LRRC9: variants seen among roughly 807,000 people sequenced by gnomAD.
LRRC9 encodes the protein leucine rich repeat containing 9, also known as leucine-rich repeat-containing protein 9.
Under a neutral mutation model 63.2 loss-of-function variants are expected in LRRC9, and 122 were observed. The ratio of observed to expected loss-of-function variants is 1.93; its 90% CI spans 1.67 to 2.24. LRRC9 has a LOEUF of 2.24. Among genes scored for constraint, LRRC9 ranks in the 30% most tolerant of loss-of-function variants. The pLI is 0.00. For synonymous variants in LRRC9, 366 were observed against 213.1 expected, an observed-to-expected ratio of 1.72 and a Z score of -6.25; for missense variants, 1,071 against 627.7, an observed-to-expected ratio of 1.71 and a Z score of -7.55.
At chr14:59,952,718 G>A (rs1300388880) in intron 8 of LRRC9, among the ~76,000 whole-genome samples, 2 of 152,032 alleles carry the variant, frequency 1.3e-5, no homozygotes, top group Non-Finnish European at 2.9e-5. Flanking sequence ...GTATACATTT[G>A]ACATGATAGT....
chr14:60,029,396 G>A (rs569063939), intron 28 of LRRC9, among the ~76,000 whole-genome samples: 1 of 152,136 alleles, frequency 6.6e-6, no homozygotes, highest in African/African-American at 2.4e-5. Context: ...GTAGGGGAGT[G>A]TTTCATTTAT....
At chr14:59,967,936 G>A (rs1341994110) in intron 12 of LRRC9, among the ~76,000 whole-genome samples, 1 of 152,164 alleles carries the variant, frequency 6.6e-6, no homozygotes, top group African/African-American at 2.4e-5. Context: ...GATTTAGTGA[G>A]ATAATGCATT....
chr14:60,063,389 C>T (rs61994053), exon 32 of LRRC9: 81,327 of 698,734 alleles, frequency 0.12, 5,984 homozygotes, highest in Non-Finnish European at 0.15. Flanking sequence ...GAGCATACAC[C>T]AAGAAACTCA....
chr14:60,039,377 C>T (rs774497617), intron 29 of LRRC9, among the ~76,000 whole-genome samples: 57 of 152,140 alleles, frequency 3.7e-4, no homozygotes, highest in Middle Eastern at 3.4e-3. Flanking sequence ...AATTTGGCTG[C>T]GAATCCTTCT....
chr14:59,931,165 C>T, intron 4 of LRRC9, 107 bp downstream of exon 4: 1 of 300,540 alleles, frequency 3.3e-6, no homozygotes, highest in Non-Finnish European at 6.1e-6. Context: ...CTATTCTTGA[C>T]TAGTACAATT....
At chr14:59,976,566 A>T (rs1886308154) in intron 13 of LRRC9, among the ~76,000 whole-genome samples, 1 of 151,990 alleles carries the variant, frequency 6.6e-6, no homozygotes, top group South Asian at 2.1e-4. Context: ...ACTTGAAAAA[A>T]CCTTTTATTC....
chr14:60,023,089 A>G (rs219397), intron 27 of LRRC9, among the ~76,000 whole-genome samples: 114,171 of 151,748 alleles, frequency 0.75, 44,945 homozygotes, highest in Non-Finnish European at 0.87. Context: ...ATAGTATTAC[A>G]TCATAATTTA....
At chr14:60,000,385 A>T (rs1459633168) in intron 19 of LRRC9, among the ~76,000 whole-genome samples, 2 of 152,118 alleles carry the variant, frequency 1.3e-5, no homozygotes, top group African/African-American at 4.8e-5. Flanking sequence ...CCAAACCTCA[A>T]CATTACGAAA....
intron 29 of LRRC9, among the ~76,000 whole-genome samples, chr14:60,037,791 T>C (rs1433003458): frequency 2.0e-5 from 3 of 152,228 alleles, no homozygotes; most frequent in East Asian, 1.9e-4. Context: ...TTTGTCAATT[T>C]TGGCTTTTGT....
intron 12 of LRRC9, among the ~76,000 whole-genome samples, chr14:59,973,208 C>G (rs1885721901): frequency 6.6e-6 from 1 of 152,070 alleles, no homozygotes; most frequent in Non-Finnish European, 1.5e-5. Flanking sequence ...TCTATAAACT[C>G]CTTCCTAATC....
chr14:60,057,237 A>G (rs112597197), intron 30 of LRRC9, among the ~76,000 whole-genome samples: 1 of 152,180 alleles, frequency 6.6e-6, no homozygotes, highest in Non-Finnish European at 1.5e-5. Context: ...TTCTAGGGGA[A>G]GCAAGAGTCC....
At chr14:60,065,111 G>A (rs115022166), downstream of LRRC9, among the ~76,000 whole-genome samples, 2,319 of 152,256 alleles carry the variant, frequency 0.015, 58 homozygotes, top group African/African-American at 0.053. Context: ...GCCGGGCGCA[G>A]TGGCTCACAT....
At chr14:60,052,900 T>C (rs1415925485) in intron 29 of LRRC9, among the ~76,000 whole-genome samples, 165 bp from the exon 30 acceptor site, 4 of 152,160 alleles carry the variant, frequency 2.6e-5, no homozygotes, top group Non-Finnish European at 4.4e-5. Flanking sequence ...AATAGGAAAT[T>C]GAGTAATTTT....
At chr14:59,961,455 G>A (rs1884344774) in intron 10 of LRRC9, among the ~76,000 whole-genome samples, 1 of 152,220 alleles carries the variant, frequency 6.6e-6, no homozygotes, top group Admixed American at 6.5e-5. Flanking sequence ...GAGCAGGAAT[G>A]CCAAAGCAGG....
chr14:60,065,797 T>C, downstream of LRRC9, among the ~76,000 whole-genome samples: 2 of 150,972 alleles, frequency 1.3e-5, no homozygotes, highest in Non-Finnish European at 3.0e-5. Flanking sequence ...AAATGTATGA[T>C]TATATAACTT....
chr14:60,026,265 C>T lies in LRRC9; in HGVS notation c.3704-1619C>T, dbSNP rs144761428. 8.5e-5 allele frequency among the ~76,000 whole-genome samples: 13 copies of T among 152,156 alleles called. 1 individual carries two copies. Among genetic ancestry groups the T allele is most frequent in the African/African-American group, 2.9e-4 (12 of 41,536 alleles). On this transcript the variant is annotated intron_variant, in intron 27 of 31. Coordinates refer to ENST00000445360, the Ensembl canonical transcript of LRRC9. ...GACATTCTACCCCTTTCTCTATATCCTTGTCAGCATTTATGATTGCCTGTC... is the reference window on the plus strand; with the variant it reads ...GACATTCTACCCCTTTCTCTATATCTTTGTCAGCATTTATGATTGCCTGTC...
chr14:60,000,330 A>T (rs1028874563), intron 19 of LRRC9, among the ~76,000 whole-genome samples: 1 of 152,126 alleles, frequency 6.6e-6, no homozygotes, highest in African/African-American at 2.4e-5. Context: ...AAAATTACCT[A>T]TTAGGTACTA....
chr14:60,004,420 T>C lies in LRRC9; in HGVS notation c.2842+622T>C, dbSNP rs548945920. ...AATATACTATATGTAACATTTTCCA[T>C]GGATCCACATACAAGTCCAATTAAG... On this transcript the variant is annotated intron_variant, in intron 21 of 31. Transcript: ENST00000445360. The surrounding 1 kb of genome is among the most constrained non-coding windows in gnomAD (Gnocchi z 4.8). 5.3e-5 allele frequency among the ~76,000 whole-genome samples: 8 copies of C among 152,268 alleles called. No individual in the cohort carries two copies. In the East Asian group the frequency reaches 1.5e-3, roughly 29 times the overall value.
chr14:59,997,616 A>ATGATTC lies in LRRC9; in HGVS notation c.2212-38_2212-33dup. 6.3e-6 allele frequency: 4 copies of ATGATTC among 637,474 alleles called. No homozygotes were observed. In the South Asian group the frequency reaches 7.1e-5, roughly 11 times the overall value. The allele number at this position is 637,474 out of a possible 1,614,324, so 39.5% of individuals were successfully genotyped here. ...AGAAACTATTTTGTAAATACAAATT[A>ATGATTC]TGATTCTCTTAGCATCACTTTTATT... On this transcript the variant is annotated intron_variant, in intron 17 of 31. Transcript: ENST00000445360.
Sources: gnomAD v4.1 joint callset for allele counts (sites outside exome capture counted in the v4.1 genomes callset) on GRCh38, gnomAD v4.1.1 for gene constraint, Gnocchi (gnomAD v3.1) non-coding constraint, MANE v1.5 for transcripts, NCBI Gene and HGNC (gene_info 2026-07-23, HGNC 2026-07-21) for gene names.